The following PPP1R9B variants were observed in gnomAD, a reference collection of about 807,000 sequenced individuals.
The protein encoded by PPP1R9B is protein phosphatase 1 regulatory subunit 9B, also known as neurabin-2.
A neutral mutation model predicts 75.8 loss-of-function variants in PPP1R9B; 17 were observed. That is an observed-to-expected ratio of 0.22 (90% CI 0.15 to 0.34). The LOEUF (loss-of-function observed/expected upper bound fraction) is 0.34. Ranked by LOEUF, PPP1R9B falls within the 10% of genes least tolerant of loss-of-function variation. The pLI is 1.00. For synonymous variants in PPP1R9B, 509 were observed against 535.4 expected, an observed-to-expected ratio of 0.95 and a Z score of 0.68; for missense variants, 875 against 1,196.0, an observed-to-expected ratio of 0.73 and a Z score of 3.96.
chr17:50,149,584 C>T lies in PPP1R9B; in HGVS notation c.930G>A (p.Glu310=), dbSNP rs1267511596. ...PVEVEESGES[E]AESAPGEVIQ... is the part of the protein sequence containing the mutation. ...TCACCTCCCCGGGCGCCGACTCGGC[C>T]TCCGACTCCCCGCTCTCCTCCACCT... The change falls in exon 1 of 10, where the codon GAG becomes GAA. Residue 310 remains glutamate, a synonymous_variant. Transcript: ENST00000612501. The surrounding 1 kb of genome is among the most constrained non-coding windows in gnomAD (Gnocchi z 7.2). 6.4e-7 allele frequency: 1 copy of T among 1,574,612 alleles called. No homozygotes were observed. The highest frequency in any genetic ancestry group is 8.6e-7 in the Non-Finnish European group (1 of 1,164,634).
chr17:50,148,705 G>A (rs570358440), intron 1 of PPP1R9B, among the ~76,000 whole-genome samples: 5 of 152,228 alleles, frequency 3.3e-5, no homozygotes, highest in Non-Finnish European at 7.3e-5. Context: ...TCCCATACAG[G>A]GGGAAAGCAC....
rs1401660681 is a variant in PPP1R9B, at chr17:50,149,682, G to A, written c.832C>T (p.Pro278Ser). 5.5e-6 allele frequency: 8 copies of A among 1,459,442 alleles called. No homozygotes were observed. Among genetic ancestry groups the A allele is most frequent in the Non-Finnish European group, 3.6e-6 (4 of 1,111,696 alleles). 90.4% of individuals were successfully genotyped at this position (1,459,442 alleles called of 1,614,324 possible). Residue 278 changes from proline to serine, a missense_variant, in exon 1 of 10, where the codon CCC becomes TCC. Transcript: ENST00000612501. The surrounding 1 kb of genome is among the most constrained non-coding windows in gnomAD (Gnocchi z 7.2). ...EKERCPAGQQPPQHRVAPARP... is the reference protein window; with the variant it reads ...EKERCPAGQQSPQHRVAPARP... ...GCAGGGGCCACTCGGTGCTGCGGGGGCTGCTGCCCTGCGGGGCATCGCTCT... is the reference window on the plus strand; with the variant it reads ...GCAGGGGCCACTCGGTGCTGCGGGGACTGCTGCCCTGCGGGGCATCGCTCT...
chr17:50,145,876 C>G (rs140778275), intron 1 of PPP1R9B: 1 of 153,088 alleles, frequency 6.5e-6, no homozygotes, highest in African/African-American at 2.4e-5. Flanking sequence ...TCTCTATCCC[C>G]GTGGAGAAGA....
At position 50,139,669 on chromosome 17, in the gene PPP1R9B, A is replaced by C. The variant is rs567463898; in HGVS notation, c.1867-88T>G. The C allele has an allele frequency of 5.6e-5, 80 of 1,427,302 alleles. No homozygotes were observed. The African/African-American group carries it at 1.0e-3, about 18-fold the overall frequency. The allele number at this position is 1,427,302 out of a possible 1,614,324, so 88.4% of individuals were successfully genotyped here. A position where few individuals can be genotyped will look rare whatever the true frequency, so the allele number is the denominator to read the frequency against. ...AGGGCTGGGACCAGTTGCCCATGCC[A>C]GACAGAGAGCTACCCAGGAATGTGG... On this transcript the variant is annotated intron_variant, in intron 5 of 9. Transcript: ENST00000612501. This position sits in a 1 kb window ranked among gnomAD's most constrained non-coding sequence, Gnocchi z 5.0.
In PPP1R9B at chr17:50,149,126, C is replaced by T; in HGVS notation, c.1371+17G>A. ...TGGCAGGGGCGGCGCGGGGGCAGGGCGGGGGGGCTCACTTACTTGGATGGG... is the reference window on the plus strand; with the variant it reads ...TGGCAGGGGCGGCGCGGGGGCAGGGTGGGGGGGCTCACTTACTTGGATGGG... On this transcript the variant is annotated intron_variant, in intron 1 of 9. Transcript: ENST00000612501. This position sits in a 1 kb window ranked among gnomAD's most constrained non-coding sequence, Gnocchi z 7.2. 6.3e-6 allele frequency: 7 copies of T among 1,108,618 alleles called. No individual in the cohort carries two copies. Among genetic ancestry groups the T allele is most frequent in the Middle Eastern group, 3.2e-4 (1 of 3,122 alleles). 68.7% of individuals were successfully genotyped at this position (1,108,618 alleles called of 1,614,324 possible). A position where few individuals can be genotyped will look rare whatever the true frequency, so the allele number is the denominator to read the frequency against.
intron 1 of PPP1R9B, among the ~76,000 whole-genome samples, chr17:50,148,057 GC>G (rs1281285014): frequency 6.6e-6 from 1 of 152,150 alleles, no homozygotes; most frequent in Non-Finnish European, 1.5e-5. Flanking sequence ...TGAGCCTGGG[GC>G]GGTGAGGAAG....
At position 50,135,248 on chromosome 17, in the gene PPP1R9B, G is replaced by A; in HGVS notation, c.*83C>T. 1.7e-6 allele frequency: 2 copies of A among 1,191,688 alleles called. No individual in the cohort carries two copies. Among genetic ancestry groups the A allele is most frequent in the South Asian group, 2.5e-5 (2 of 81,006 alleles). The allele number at this position is 1,191,688 out of a possible 1,614,324, so 73.8% of individuals were successfully genotyped here. On this transcript the variant is annotated 3_prime_UTR_variant, in exon 10 of 10. Coordinates refer to ENST00000612501, the MANE Select transcript of PPP1R9B (RefSeq NM_032595.5). The stretch of plus-strand genomic sequence containing the variant: ...GGGGCACCTGTCCCCAGGCTGGAAG[G>A]GGGAGGGGTGGGGTGTTGAGGACAG...
chr17:50,147,317 C>T (rs943501898), intron 1 of PPP1R9B, among the ~76,000 whole-genome samples: 5 of 152,262 alleles, frequency 3.3e-5, no homozygotes, highest in African/African-American at 1.2e-4. Flanking sequence ...AGGCCTCCAC[C>T]TCCAGAAGGG....
At position 50,134,344 on chromosome 17, in the gene PPP1R9B, G is replaced by A. The variant is rs1465593816; in HGVS notation, c.*987C>T. The stretch of plus-strand genomic sequence containing the variant: ...GAAAACCAGTAGGGGGTGGGGGCGA[G>A]GCTGACTCCCTGCAATGTCAGTAGG... On this transcript the variant is annotated 3_prime_UTR_variant, in exon 10 of 10. Coordinates refer to ENST00000612501, the MANE Select transcript of PPP1R9B (RefSeq NM_032595.5). 6.5e-6 allele frequency: 1 copy of A among 152,872 alleles called. No homozygotes were observed. Among genetic ancestry groups the A allele is most frequent in the Admixed American group, 6.5e-5 (1 of 15,298 alleles). The allele number at this position is 152,872 out of a possible 1,614,324, so 9.5% of individuals were successfully genotyped here.
At position 50,150,380 on chromosome 17, in the gene PPP1R9B, G is replaced by GC; in HGVS notation, c.133dup (p.Ala45GlyfsTer158). On this transcript the variant is annotated frameshift_variant, in exon 1 of 10. Coordinates refer to ENST00000612501, the MANE Select transcript of PPP1R9B (RefSeq NM_032595.5). LOFTEE classifies it high-confidence loss of function. This position sits in a 1 kb window ranked among gnomAD's most constrained non-coding sequence, Gnocchi z 8.7. ...GTTGGAGCCATATTTCTTGTGGTGGGCCCCCTTGGGTGCCTCGTCGGGCCC... is the reference window on the plus strand; with the variant it reads ...GTTGGAGCCATATTTCTTGTGGTGGGCCCCCCTTGGGTGCCTCGTCGGGCCC... 1 of 1,413,770 alleles carries GC rather than the reference G, an allele frequency of 7.1e-7. No individual in the cohort carries two copies. The highest frequency in any genetic ancestry group is 9.2e-7 in the Non-Finnish European group (1 of 1,083,572). 87.6% of individuals were successfully genotyped at this position (1,413,770 alleles called of 1,614,324 possible). A position where few individuals can be genotyped will look rare whatever the true frequency, so the allele number is the denominator to read the frequency against.
chr17:50,142,837 A>G lies in PPP1R9B; in HGVS notation c.1625+761T>C, dbSNP rs1912419692. ...ACAGATGCTCAATACAGGCACACAC[A>G]CTCACATGCGCAAAGACAGCCTGTC... On this transcript the variant is annotated intron_variant, in intron 3 of 9. Coordinates refer to ENST00000612501, the MANE Select transcript of PPP1R9B (RefSeq NM_032595.5). The surrounding 1 kb of genome is among the most constrained non-coding windows in gnomAD (Gnocchi z 4.1). Among the ~76,000 whole-genome samples the G allele has an allele frequency of 6.6e-6, 1 of 151,876 alleles. No homozygotes were observed. The highest frequency in any genetic ancestry group is 2.1e-4 in the South Asian group (1 of 4,810).
At position 50,134,292 on chromosome 17, in the gene PPP1R9B, A is replaced by C. The variant is rs1018784546; in HGVS notation, c.*1039T>G. 18 of 152,616 alleles carry C rather than the reference A, an allele frequency of 1.2e-4. No individual in the cohort carries two copies. Among genetic ancestry groups the C allele is most frequent in the African/African-American group, 4.3e-4 (18 of 41,416 alleles). The allele number at this position is 152,616 out of a possible 1,614,324, so 9.5% of individuals were successfully genotyped here. On this transcript the variant is annotated 3_prime_UTR_variant, in exon 10 of 10. Coordinates refer to ENST00000612501, the MANE Select transcript of PPP1R9B (RefSeq NM_032595.5). The stretch of plus-strand genomic sequence containing the variant: ...GTCTCCAAAAAGATGAGTAGTAGTA[A>C]AATTTTGCCCTCCAGTCAAAACATT...
rs1598251772 is a variant in PPP1R9B, at chr17:50,149,845, G to A, written c.669C>T (p.Gly223=). ...TGGGGAGCCCGGGCCCGCGGTGGAG[G>A]CCGGTCCTCGAGTCGGCCTTCTCGA... The part of the protein sequence containing the change: ...AVFEKADSRT[G]LHRGPGLPRA... Residue 223 remains glycine, a synonymous_variant, in exon 1 of 10, where the codon GGC becomes GGT. Coordinates refer to ENST00000612501, the MANE Select transcript of PPP1R9B (RefSeq NM_032595.5). The surrounding 1 kb of genome is among the most constrained non-coding windows in gnomAD (Gnocchi z 7.2). 2.0e-6 allele frequency: 3 copies of A among 1,478,668 alleles called. No individual in the cohort carries two copies. Among genetic ancestry groups the A allele is most frequent in the East Asian group, 2.9e-5 (1 of 34,996 alleles). The allele number at this position is 1,478,668 out of a possible 1,614,324, so 91.6% of individuals were successfully genotyped here.
chr17:50,150,214 G>A lies in PPP1R9B; in HGVS notation c.300C>T (p.Ser100=). The change falls in exon 1 of 10, where the codon AGC becomes AGT. Residue 100 remains serine (S), a synonymous_variant. Transcript: ENST00000612501. The surrounding 1 kb of genome is among the most constrained non-coding windows in gnomAD (Gnocchi z 8.7). Reference sequence around the variant, plus strand: ...CGCTGTGGTCCACGTTCTCGTTCAGGCTGCTGGCCCGCGGCAGCGACAGGC... The same window carrying A: ...CGCTGTGGTCCACGTTCTCGTTCAGACTGCTGGCCCGCGGCAGCGACAGGC... ...GVRLSLPRAS[S]LNENVDHSAL... is the part of the protein sequence containing the mutation. 1 of 1,448,554 alleles carries A rather than the reference G, an allele frequency of 6.9e-7. No individual in the cohort carries two copies. The highest frequency in any genetic ancestry group is 9.1e-7 in the Non-Finnish European group (1 of 1,097,048). The allele number at this position is 1,448,554 out of a possible 1,614,324, so 89.7% of individuals were successfully genotyped here.
chr17:50,143,482 A>T (rs960324027), intron 3 of PPP1R9B, 116 bp downstream of exon 3: 1 of 1,311,118 alleles, frequency 7.6e-7, no homozygotes, highest in Non-Finnish European at 1.1e-6. Flanking sequence ...CTGCACACAC[A>T]GCACGGAAAT....
chr17:50,150,594 C>T lies in PPP1R9B; in HGVS notation c.-81G>A, dbSNP rs1912672096. The T allele has an allele frequency of 8.1e-7, 1 of 1,241,682 alleles. No individual in the cohort carries two copies. The highest frequency in any genetic ancestry group is 1.0e-6 in the Non-Finnish European group (1 of 991,506). The allele number at this position is 1,241,682 out of a possible 1,614,324, so 76.9% of individuals were successfully genotyped here. Reference sequence around the variant, plus strand: ...CGGCTGGCCAAGTCGGGACCACCGCCCCCTCCCCCCGATAAAAGAAACCCC... The same window carrying T: ...CGGCTGGCCAAGTCGGGACCACCGCTCCCTCCCCCCGATAAAAGAAACCCC... On this transcript the variant is annotated 5_prime_UTR_variant, in exon 1 of 10. Coordinates refer to ENST00000612501, the MANE Select transcript of PPP1R9B (RefSeq NM_032595.5). This position sits in a 1 kb window ranked among gnomAD's most constrained non-coding sequence, Gnocchi z 8.7.
At chr17:50,143,541 A>C in intron 3 of PPP1R9B, 57 bp downstream of exon 3, 47 of 1,467,790 alleles carry the variant, frequency 3.2e-5, no homozygotes, top group Middle Eastern at 3.8e-4. Flanking sequence ...CCACCCCACC[A>C]AGGATGGCCG....
chr17:50,139,981 G>A lies in PPP1R9B; in HGVS notation c.1866+112C>T, dbSNP rs751451972. The A allele has an allele frequency of 1.7e-6, 2 of 1,169,956 alleles. No homozygotes were observed. Among genetic ancestry groups the A allele is most frequent in the Non-Finnish European group, 2.4e-6 (2 of 835,658 alleles). The allele number at this position is 1,169,956 out of a possible 1,614,324, so 72.5% of individuals were successfully genotyped here. A position where few individuals can be genotyped will look rare whatever the true frequency, so the allele number is the denominator to read the frequency against. On this transcript the variant is annotated intron_variant, in intron 5 of 9. Coordinates refer to ENST00000612501, the MANE Select transcript of PPP1R9B (RefSeq NM_032595.5). This position sits in a 1 kb window ranked among gnomAD's most constrained non-coding sequence, Gnocchi z 5.0. ...AGAGTGTGACTGGAGGACAGGGAAT[G>A]GCACTGTGGGCTTTTTACTAGGGCA...
rs74676292 is a variant in PPP1R9B at position 50,149,446 on chromosome 17, C to T, written c.1068G>A (p.Ala356=). 0.17 allele frequency: 273,409 copies of T among 1,605,974 alleles called. 25,054 individuals carry two copies. Among genetic ancestry groups the T allele is most frequent in the East Asian group, 0.36 (16,150 of 44,534 alleles). Residue 356 remains alanine (A), a synonymous_variant, in exon 1 of 10, where the codon GCG becomes GCA. Coordinates refer to ENST00000612501, the MANE Select transcript of PPP1R9B (RefSeq NM_032595.5). This position sits in a 1 kb window ranked among gnomAD's most constrained non-coding sequence, Gnocchi z 7.2. ...CCCTCTCTGGCGGCGCTACCGCCGC[C>T]GCCTCCTTCTCCGGGGCCGCTTGGG... ...PKAQAAPEKE[A]AAVAPPERGV...
Sources: gnomAD v4.1 joint callset for allele counts (sites outside exome capture counted in the v4.1 genomes callset) on GRCh38, gnomAD v4.1.1 for gene constraint, Gnocchi (gnomAD v3.1) non-coding constraint, MANE v1.5 for transcripts, NCBI Gene and HGNC (gene_info 2026-07-23, HGNC 2026-07-21) for gene names.